CTNNBL1: variants seen among roughly 807,000 people sequenced by gnomAD.
CTNNBL1 encodes beta-catenin-like protein 1.
CTNNBL1 carries 31 observed loss-of-function variants against 72.7 expected under a neutral mutation model. The ratio of observed to expected loss-of-function variants is 0.43; its 90% CI spans 0.32 to 0.58. The LOEUF (loss-of-function observed/expected upper bound fraction) is 0.58, where lower values mean the gene tolerates loss of function less well. Among genes scored for constraint, CTNNBL1 ranks in the 20% least tolerant of loss-of-function variants. The pLI, the probability that CTNNBL1 is intolerant of heterozygous loss-of-function variation, is 0.08. For missense variants in CTNNBL1, 534 were observed against 725.1 expected, an observed-to-expected ratio of 0.74 and a Z score of 3.03; for synonymous variants, 240 against 267.3, an observed-to-expected ratio of 0.90 and a Z score of 1.00.
chr20:37,791,053 A>C (rs2073720901), intron 10 of CTNNBL1, among the ~76,000 whole-genome samples: 1 of 152,170 alleles, frequency 6.6e-6, no homozygotes, highest in Non-Finnish European at 1.5e-5. Flanking sequence ...ACTCACTGTA[A>C]TTATTTTGAG....
At chr20:37,847,489 A>G (rs374246748) in intron 13 of CTNNBL1, among the ~76,000 whole-genome samples, 4 of 152,290 alleles carry the variant, frequency 2.6e-5, no homozygotes, top group African/African-American at 7.2e-5. Flanking sequence ...GTAAATATCC[A>G]GGGTTCTTGT....
intron 10 of CTNNBL1, among the ~76,000 whole-genome samples, chr20:37,801,437 A>G (rs1600496441): frequency 6.6e-6 from 1 of 152,226 alleles, no homozygotes; most frequent in East Asian, 1.9e-4. Flanking sequence ...GAATAATTTA[A>G]GATTGTAGAA....
At chr20:37,862,481 G>A (rs1037559532) in intron 15 of CTNNBL1, among the ~76,000 whole-genome samples, 9 of 152,316 alleles carry the variant, frequency 5.9e-5, no homozygotes, top group Admixed American at 3.3e-4. Flanking sequence ...CACACCCTAA[G>A]TGATTCACAA....
chr20:37,851,224 C>T (rs1269494209), intron 13 of CTNNBL1, among the ~76,000 whole-genome samples: 1 of 152,190 alleles, frequency 6.6e-6, no homozygotes, highest in African/African-American at 2.4e-5. Flanking sequence ...GTCTGTTCTA[C>T]CGAATGCACC....
chr20:37,779,464 G>C, intron 10 of CTNNBL1, 129 bp downstream of exon 10: 5 of 1,012,986 alleles, frequency 4.9e-6, no homozygotes, highest in Non-Finnish European at 7.4e-6. Context: ...GAAGAGTAAA[G>C]TCTTCAGGCA....
At chr20:37,706,012 T>A (rs1238959967) in intron 1 of CTNNBL1, among the ~76,000 whole-genome samples, 1 of 152,240 alleles carries the variant, frequency 6.6e-6, no homozygotes, top group African/African-American at 2.4e-5. Context: ...ATATTAAAGT[T>A]CTGTTTATAC....
intron 10 of CTNNBL1, among the ~76,000 whole-genome samples, chr20:37,780,925 A>G (rs1454221035): frequency 6.6e-6 from 1 of 152,160 alleles, no homozygotes; most frequent in African/African-American, 2.4e-5. Context: ...CTTACTGTGT[A>G]TATTTCTAAA....
intron 1 of CTNNBL1, among the ~76,000 whole-genome samples, chr20:37,723,183 GAATATAT>G (rs1402367018): frequency 1.3e-5 from 2 of 152,184 alleles, no homozygotes; most frequent in Admixed American, 6.5e-5. Flanking sequence ...GTGGTGAGAT[GAATATAT>G]ATTCAGGCTT....
chr20:37,802,830 C>T lies in CTNNBL1; in HGVS notation c.1032-37C>T, dbSNP rs558397943. The T allele has an allele frequency of 4.6e-6, 7 of 1,531,672 alleles. No homozygotes were observed. The African/African-American group carries it at 9.7e-5, about 21-fold the overall frequency. 94.9% of individuals were successfully genotyped at this position (1,531,672 alleles called of 1,614,324 possible). ...TTTTTTTTAAGCTCTATAATTTCCC[C>T]ATGAAATACCTTATCTGAAACCTCT... On this transcript the variant is annotated intron_variant, in intron 10 of 15. Transcript: ENST00000361383.
chr20:37,723,307 A>G (rs933294563), intron 1 of CTNNBL1, among the ~76,000 whole-genome samples: 7 of 152,252 alleles, frequency 4.6e-5, no homozygotes, highest in Non-Finnish European at 8.8e-5. Flanking sequence ...ATCAGATTAC[A>G]GATCATAAGT....
rs564191776 is a variant in CTNNBL1 at position 37,730,257 on chromosome 20, T to C, written c.31-2622T>C. Among the ~76,000 whole-genome samples the C allele has an allele frequency of 3.3e-5, 5 of 152,368 alleles. No individual in the cohort carries two copies. The East Asian group carries it at 9.6e-4, about 29-fold the overall frequency. On this transcript the variant is annotated intron_variant, in intron 1 of 15. Coordinates refer to ENST00000361383, the MANE Select transcript of CTNNBL1 (RefSeq NM_030877.5). ...GAAAGTGGCATTTTCTTTTGTTTGGTAGTAACATACCACATTGCACCAAGC... is the reference window on the plus strand; with the variant it reads ...GAAAGTGGCATTTTCTTTTGTTTGGCAGTAACATACCACATTGCACCAAGC...
chr20:37,769,002 C>T (rs538341529), intron 7 of CTNNBL1, among the ~76,000 whole-genome samples: 2 of 152,330 alleles, frequency 1.3e-5, no homozygotes, highest in South Asian at 4.1e-4. Context: ...TAGTCTCGAA[C>T]TCCTGATCTC....
chr20:37,846,962 G>A (rs1040216217), intron 13 of CTNNBL1, among the ~76,000 whole-genome samples: 1 of 152,088 alleles, frequency 6.6e-6, no homozygotes, highest in African/African-American at 2.4e-5. Flanking sequence ...CTTGTTCATC[G>A]TTTTCTCAGG....
intron 13 of CTNNBL1, among the ~76,000 whole-genome samples, chr20:37,843,197 A>G (rs4239666): frequency 1.3e-5 from 2 of 152,080 alleles, no homozygotes; most frequent in African/African-American, 4.8e-5. Context: ...CTTCAGTCAC[A>G]TTATAAAATG....
intron 11 of CTNNBL1, among the ~76,000 whole-genome samples, chr20:37,815,076 A>AGAGTGTGTGT (rs1555830916): frequency 1.4e-5 from 2 of 147,282 alleles, no homozygotes; most frequent in Non-Finnish European, 3.0e-5. Context: ...GGACTCTGTG[A>AGAGTGTGTGT]GTGTGTGTGT....
intron 13 of CTNNBL1, among the ~76,000 whole-genome samples, chr20:37,858,738 G>GT (rs2072464519): frequency 6.6e-6 from 1 of 152,062 alleles, no homozygotes; most frequent in Admixed American, 6.5e-5. Flanking sequence ...TTTTGTTTTT[G>GT]TTTTTTTAAA....
chr20:37,785,709 C>A (rs2122703896), intron 10 of CTNNBL1, among the ~76,000 whole-genome samples: 1 of 152,292 alleles, frequency 6.6e-6, no homozygotes, highest in Non-Finnish European at 1.5e-5. Flanking sequence ...TCTGAAAGCT[C>A]ACATATCTCT....
At chr20:37,791,516 T>C (rs2073725338) in intron 10 of CTNNBL1, among the ~76,000 whole-genome samples, 1 of 152,220 alleles carries the variant, frequency 6.6e-6, no homozygotes, top group East Asian at 1.9e-4. Context: ...TTTGGTGATA[T>C]CTCTTCAAAT....
intron 10 of CTNNBL1, among the ~76,000 whole-genome samples, chr20:37,787,883 T>C (rs2073692735): frequency 6.6e-6 from 1 of 152,224 alleles, no homozygotes; most frequent in African/African-American, 2.4e-5. Flanking sequence ...TGTGGCTTTA[T>C]TTCTTTGTCT....
Sources: gnomAD v4.1 joint callset for allele counts (sites outside exome capture counted in the v4.1 genomes callset) on GRCh38, gnomAD v4.1.1 for gene constraint, MANE v1.5 for transcripts, NCBI Gene and HGNC (gene_info 2026-07-23, HGNC 2026-07-21) for gene names.